DCUN1D1: variants seen among roughly 807,000 people sequenced by gnomAD.
DCUN1D1 encodes the protein DCN1-like protein 1.
A neutral mutation model predicts 39.0 loss-of-function variants in DCUN1D1; 3 were observed. The observed-to-expected ratio is 0.08, with a 90% confidence interval of 0.04 to 0.20. DCUN1D1 has a LOEUF of 0.20. Among genes scored for constraint, DCUN1D1 ranks in the 10% least tolerant of loss-of-function variants. The probability of loss-of-function intolerance (pLI) is 1.00; values close to 1 mark genes in which losing one functional copy is unlikely to be tolerated. For synonymous variants in DCUN1D1, 82 were observed against 96.3 expected, an observed-to-expected ratio of 0.85 and a Z score of 0.87; for missense variants, 158 against 302.4, an observed-to-expected ratio of 0.52 and a Z score of 3.54.
At chr3:182,951,006 C>CAAAAAAAAAA (rs56919089) in intron 4 of DCUN1D1, 6 of 46,782 alleles carry the variant, frequency 1.3e-4, no homozygotes, top group Non-Finnish European at 1.8e-4. Context: ...AACTCTGTCT[C>CAAAAAAAAAA]AAAAAAAAAA....
At chr3:182,945,734 C>T (rs1268429672) in intron 6 of DCUN1D1, among the ~76,000 whole-genome samples, 1 of 152,150 alleles carries the variant, frequency 6.6e-6, no homozygotes, top group Non-Finnish European at 1.5e-5. Context: ...AGGAGATTAA[C>T]AGGAAGTGTC....
chr3:182,975,070 C>G (rs1245550582), intron 1 of DCUN1D1, among the ~76,000 whole-genome samples: 1 of 152,104 alleles, frequency 6.6e-6, no homozygotes, highest in Non-Finnish European at 1.5e-5. Context: ...AGTTTTCTCC[C>G]AGACTTTCCT....
chr3:182,981,044 T>G (rs1366321480), upstream of DCUN1D1: 3 of 152,264 alleles, frequency 2.0e-5, no homozygotes, highest in Admixed American at 2.0e-4. Context: ...CGTGTTTTCT[T>G]CTTTTTCCCC....
At chr3:182,980,775 C>G, upstream of DCUN1D1, 1 of 160,206 alleles carries the variant, frequency 6.2e-6, no homozygotes. Context: ...GCCCTCCGCG[C>G]GCCGACATCC....
intron 1 of DCUN1D1, chr3:182,980,146 CCCCCT>C: frequency 7.1e-6 from 4 of 566,826 alleles, no homozygotes; most frequent in Non-Finnish European, 6.7e-6. Flanking sequence ...AAGGCCGTTG[CCCCCT>C]CCCCTCCCCC....
intron 1 of DCUN1D1, among the ~76,000 whole-genome samples, chr3:182,971,308 T>C (rs1727923874): frequency 6.6e-6 from 1 of 152,140 alleles, no homozygotes; most frequent in Non-Finnish European, 1.5e-5. Flanking sequence ...TCATGGCTTG[T>C]ACTCCCAGCA....
At chr3:182,965,012 A>G (rs951189855) in intron 2 of DCUN1D1, among the ~76,000 whole-genome samples, 3 of 152,208 alleles carry the variant, frequency 2.0e-5, no homozygotes, top group African/African-American at 7.2e-5. Context: ...TTGACTTTGG[A>G]GCACAAGTTA....
intron 1 of DCUN1D1, among the ~76,000 whole-genome samples, chr3:182,967,149 TATATATATA>T (rs1197018085): frequency 1.0e-4 from 15 of 149,148 alleles, no homozygotes; most frequent in Non-Finnish European, 1.6e-4. Flanking sequence ...TATATATATA[TATATATATA>T]TTTTCTGTGG....
Position 182,945,554 on chromosome 3 carries a change from G to T in DCUN1D1, c.701-381C>A, listed in dbSNP as rs140624656. The stretch of plus-strand genomic sequence containing the variant: ...GAGGCGGAGCTTGCAGTGAGATCGC[G>T]CCACTGCACTCCAGCCTGGGGGACA... On this transcript the variant is annotated intron_variant, in intron 6 of 6. Coordinates refer to ENST00000292782, the MANE Select transcript of DCUN1D1 (RefSeq NM_020640.4). 2.6e-5 allele frequency among the ~76,000 whole-genome samples: 4 copies of T among 152,032 alleles called. No homozygotes were observed. In the South Asian group the frequency reaches 6.2e-4, roughly 24 times the overall value.
At chr3:182,985,466 C>T (rs565578955), upstream of DCUN1D1, 60 of 152,280 alleles carry the variant, frequency 3.9e-4, no homozygotes, top group African/African-American at 1.4e-3. Flanking sequence ...CCTGTCTCTA[C>T]TAAAAATACA....
intron 3 of DCUN1D1, 91 bp downstream of exon 3, chr3:182,963,790 C>A (rs989693858): frequency 2.7e-6 from 3 of 1,116,408 alleles, no homozygotes; most frequent in Admixed American, 2.4e-5. Context: ...GTTTGTGGGC[C>A]AGCAAATCTT....
intron 1 of DCUN1D1, among the ~76,000 whole-genome samples, chr3:182,972,839 C>A (rs1728015699): frequency 6.6e-6 from 1 of 152,046 alleles, no homozygotes. Context: ...GGTTGGGAGT[C>A]CGAGACCAGC....
At chr3:182,965,369 A>G (rs550208632) in intron 2 of DCUN1D1, among the ~76,000 whole-genome samples, 168 bp downstream of exon 2, 1 of 152,320 alleles carries the variant, frequency 6.6e-6, no homozygotes, top group South Asian at 2.1e-4. Flanking sequence ...ATTTTAGTGA[A>G]AAGAAAATAA....
In DCUN1D1 at chr3:182,938,461, A is replaced by G. The variant is rs1725989992; in HGVS notation, c.*6633T>C. On this transcript the variant is annotated 3_prime_UTR_variant, in exon 7 of 7. Coordinates refer to ENST00000292782, the MANE Select transcript of DCUN1D1 (RefSeq NM_020640.4). ...AACAACAGAATTGTGGTTTTATTTA[A>G]CAGTCCTTATCTTTTAGACATACAT... is the stretch of plus-strand genomic sequence containing the variant. 6.6e-6 allele frequency: 1 copy of G among 152,204 alleles called. No homozygotes were observed. The highest frequency in any genetic ancestry group is 2.4e-5 in the African/African-American group (1 of 41,448). The allele number at this position is 152,204 out of a possible 1,614,324, so 9.4% of individuals were successfully genotyped here.
At chr3:182,973,715 G>C (rs1027859282) in intron 1 of DCUN1D1, among the ~76,000 whole-genome samples, 3 of 151,410 alleles carry the variant, frequency 2.0e-5, no homozygotes, top group African/African-American at 7.3e-5. Flanking sequence ...GCTGAGGCAG[G>C]AGAATCACCT....
At chr3:182,974,126 T>C (rs988488512) in intron 1 of DCUN1D1, among the ~76,000 whole-genome samples, 4 of 150,000 alleles carry the variant, frequency 2.7e-5, no homozygotes, top group African/African-American at 4.9e-5. Context: ...GTGGCACATG[T>C]CTGTAATCCC....
rs542679423 is a variant in DCUN1D1 at position 182,953,463 on chromosome 3, C to G, written c.521-5831G>C. Among the ~76,000 whole-genome samples, 9 of 152,238 alleles carry G rather than the reference C, an allele frequency of 5.9e-5. No homozygotes were observed. In the East Asian group the frequency reaches 1.5e-3, roughly 26 times the overall value. ...ACAGTATGAGTTTTAGTCTCTTAAA[C>G]CCCTACTCTACCACCAGTTAAGTGA... On this transcript the variant is annotated intron_variant, in intron 4 of 6. Coordinates refer to ENST00000292782, the MANE Select transcript of DCUN1D1 (RefSeq NM_020640.4).
At position 182,945,002 on chromosome 3, in the gene DCUN1D1, T is replaced by C; in HGVS notation, c.*92A>G. The C allele has an allele frequency of 1.9e-6, 2 of 1,079,620 alleles. No individual in the cohort carries two copies. Among genetic ancestry groups the C allele is most frequent in the Non-Finnish European group, 2.8e-6 (2 of 714,952 alleles). The allele number at this position is 1,079,620 out of a possible 1,614,324, so 66.9% of individuals were successfully genotyped here. ...TCAGTCTGAATTGTGAGGATTGATC[T>C]TCAGTTCAGTCCAGCCAGCAGAAAT... On this transcript the variant is annotated 3_prime_UTR_variant, in exon 7 of 7. Transcript: ENST00000292782.
At chr3:182,957,221 T>C (rs987908757) in intron 4 of DCUN1D1, among the ~76,000 whole-genome samples, 3 of 152,246 alleles carry the variant, frequency 2.0e-5, no homozygotes, top group Non-Finnish European at 4.4e-5. Flanking sequence ...AGTCCCTGCA[T>C]GTTCAAAAGG....
Sources: gnomAD v4.1 joint callset for allele counts (sites outside exome capture counted in the v4.1 genomes callset) on GRCh38, gnomAD v4.1.1 for gene constraint, MANE v1.5 for transcripts, NCBI Gene and HGNC (gene_info 2026-07-23, HGNC 2026-07-21) for gene names.